Variants in PROX2 observed in about 807,000 individuals in gnomAD.
PROX2 encodes prospero homeobox protein 2.
A neutral mutation model predicts 48.9 loss-of-function variants in PROX2; 46 were observed. That is an observed-to-expected ratio of 0.94 (90% confidence interval 0.74 to 1.20). The LOEUF (loss-of-function observed/expected upper bound fraction) is 1.20. Among genes scored for constraint, PROX2 ranks in the 50% most tolerant of loss-of-function variants. The probability of loss-of-function intolerance (pLI) is 0.00; values close to 1 mark genes in which losing one functional copy is unlikely to be tolerated. For synonymous variants in PROX2, 260 were observed against 276.6 expected, an observed-to-expected ratio of 0.94 and a Z score of 0.60; for missense variants, 663 against 719.4, an observed-to-expected ratio of 0.92 and a Z score of 0.90.
intron 3 of PROX2, 112 bp downstream of exon 3, chr14:74,862,418 A>G (rs992461921): frequency 1.6e-6 from 2 of 1,236,242 alleles, no homozygotes; most frequent in Non-Finnish European, 2.2e-6. Context: ...AGTCTTGAAC[A>G]CCTGTCCTCA....
At chr14:74,866,212 C>G (rs561575451) in intron 2 of PROX2, among the ~76,000 whole-genome samples, 1 of 152,258 alleles carries the variant, frequency 6.6e-6, no homozygotes, top group South Asian at 2.1e-4. Context: ...GAGCCAAGAT[C>G]ACACCACTGC....
At chr14:74,861,301 A>G in intron 3 of PROX2, 1 of 1,046,372 alleles carries the variant, frequency 9.6e-7, no homozygotes, top group Non-Finnish European at 1.3e-6. Flanking sequence ...AGCTAGCTTA[A>G]AAAGCAACAT....
chr14:74,854,002 G>T lies in PROX2; in HGVS notation c.*1130C>A. 1 of 171,990 alleles carries T rather than the reference G, an allele frequency of 5.8e-6. No homozygotes were observed. 10.7% of individuals were successfully genotyped at this position (171,990 alleles called of 1,614,324 possible). On this transcript the variant is annotated 3_prime_UTR_variant, in exon 6 of 6. Transcript: ENST00000556489. ...ATGGAGTGGGAGAATTTCCATTTCT[G>T]TGTGATGCTGCATTTGTCCCAGTTA...
intron 3 of PROX2, among the ~76,000 whole-genome samples, chr14:74,861,672 T>C (rs75609903): frequency 0.01 from 1,586 of 152,266 alleles, 25 homozygotes; most frequent in African/African-American, 0.036. Flanking sequence ...CTCCAGGCAC[T>C]CCATTGCACC....
At chr14:74,861,253 C>T in intron 3 of PROX2, 1 of 1,350,326 alleles carries the variant, frequency 7.4e-7, no homozygotes, top group South Asian at 1.1e-5. Context: ...CTGGAGATTC[C>T]CCTCAAAGCT....
At chr14:74,871,284 A>G (rs1266051323) in intron 1 of PROX2, 47 bp from the exon 2 acceptor site, 1 of 151,838 alleles carries the variant, frequency 6.6e-6, no homozygotes, top group African/African-American at 2.4e-5. Flanking sequence ...TTTTAAAAAA[A>G]CTGCACTTTT....
At chr14:74,868,132 G>T (rs977606574) in intron 2 of PROX2, among the ~76,000 whole-genome samples, 2 of 151,662 alleles carry the variant, frequency 1.3e-5, no homozygotes, top group Non-Finnish European at 2.9e-5. Flanking sequence ...TAGCTTTATT[G>T]CATCTCTTAG....
rs1294110447 is a variant in PROX2 at position 74,876,073 on chromosome 14, A to C, written c.-488T>G. On this transcript the variant is annotated 5_prime_UTR_variant, in exon 1 of 6. Coordinates refer to ENST00000556489, the MANE Select transcript of PROX2 (RefSeq NM_001243007.2). ...CAGGCCGGGTGCCCGTGGCTGGGTG[A>C]GGGGAGGCTCTGGCCCCTTCTTAGC... 6.6e-6 allele frequency among the ~76,000 whole-genome samples: 1 copy of C among 152,186 alleles called. No homozygotes were observed. The highest frequency in any genetic ancestry group is 6.5e-5 in the Admixed American group (1 of 15,284).
At position 74,853,595 on chromosome 14, in the gene PROX2, C is replaced by G. The variant is rs1411632463; in HGVS notation, c.*1537G>C. ...TTTCATACTTTTTATGCTGATAGTT[C>G]TAGTAATAGTTTAGGGATTTTATCT... On this transcript the variant is annotated 3_prime_UTR_variant, in exon 6 of 6. Transcript: ENST00000556489. 1 of 152,076 alleles carries G rather than the reference C, an allele frequency of 6.6e-6. No individual in the cohort carries two copies. Among genetic ancestry groups the G allele is most frequent in the Non-Finnish European group, 1.5e-5 (1 of 68,010 alleles). The allele number at this position is 152,076 out of a possible 1,614,324, so 9.4% of individuals were successfully genotyped here.
intron 5 of PROX2, chr14:74,855,872 A>C (rs976047740): frequency 6.6e-6 from 1 of 151,978 alleles, no homozygotes; most frequent in Non-Finnish European, 1.5e-5. Context: ...CTGCAGGTCA[A>C]ATGACCACCC....
chr14:74,866,580 A>C (rs189786393), intron 2 of PROX2, among the ~76,000 whole-genome samples: 288 of 152,318 alleles, frequency 1.9e-3, no homozygotes, highest in Middle Eastern at 3.4e-3. Flanking sequence ...GGGAGAGGCC[A>C]AGTCACAAAG....
Position 74,863,627 on chromosome 14 carries a change from T to C in PROX2, c.208A>G (p.Thr70Ala). 6.3e-7 allele frequency: 1 copy of C among 1,597,604 alleles called. No individual in the cohort carries two copies. Among genetic ancestry groups the C allele is most frequent in the Non-Finnish European group, 8.5e-7 (1 of 1,171,902 alleles). Residue 70 changes from threonine to alanine, a missense_variant, in exon 3 of 6, where the codon ACC becomes GCC. Physicochemically the swap from Thr to Ala is moderately conservative, Grantham distance 58. Transcript: ENST00000556489. Reference protein sequence around the residue: ...HIQAKRARVETIVRGMCLSPN... With the variant: ...HIQAKRARVEAIVRGMCLSPN... ...GAGAGACACATGCCTCGGACAATGG[T>C]CTCCACTCTGGCCCTCTTTGCCTGG...
At chr14:74,858,778 TTGTGTGTGTG>T (rs3083647) in intron 3 of PROX2, 4,360 of 214,404 alleles carry the variant, frequency 0.02, 149 homozygotes, top group African/African-American at 0.071. Flanking sequence ...TTGGTGTATT[TTGTGTGTGTG>T]TGTGTGTGTG....
chr14:74,856,832 T>C lies in PROX2; in HGVS notation c.1577A>G (p.Asn526Ser), dbSNP rs919475319. The C allele has an allele frequency of 6.2e-7, 1 of 1,614,024 alleles. No homozygotes were observed. The highest frequency in any genetic ancestry group is 8.5e-7 in the Non-Finnish European group (1 of 1,179,872). ...GTCATTTCCCTTGTTGTAGTGCATA[T>C]TGAGAGCTTGAAAAAGTTCTGAATT... ...LRNSELFQALNMHYNKGNDFE... is the reference protein window; with the variant it reads ...LRNSELFQALSMHYNKGNDFE... The change falls in exon 5 of 6, where the codon AAT becomes AGT. Residue 526 changes from asparagine to serine, a missense_variant. Physicochemically the swap from Asn to Ser is conservative, Grantham distance 46. Coordinates refer to ENST00000556489, the MANE Select transcript of PROX2 (RefSeq NM_001243007.2).
rs1218331475 is a variant in PROX2, at chr14:74,863,831, C to T, written c.4G>A (p.Asp2Asn). 3.4e-6 allele frequency: 5 copies of T among 1,491,604 alleles called. No individual in the cohort carries two copies. In the South Asian group the frequency reaches 5.6e-5, roughly 17 times the overall value. 92.4% of individuals were successfully genotyped at this position (1,491,604 alleles called of 1,614,324 possible). A position where few individuals can be genotyped will look rare whatever the true frequency, so the allele number is the denominator to read the frequency against. The change falls in exon 3 of 6, where the codon GAT (aspartate) becomes AAT (asparagine). Residue 2 changes from aspartate (D) to asparagine (N), a missense_variant. Physicochemically the swap from Asp to Asn is conservative, Grantham distance 23. Transcript: ENST00000556489. MDPNSILLSPQP... is the reference protein window; with the variant it reads MNPNSILLSPQP... ...GGAGAAAGCAAGATGGAGTTTGGAT[C>T]CATCCCAGGCACTTGTTCAGGGCTT...
intron 2 of PROX2, among the ~76,000 whole-genome samples, chr14:74,870,902 C>T (rs917687913): frequency 3.3e-5 from 5 of 152,132 alleles, no homozygotes; most frequent in East Asian, 1.9e-4. Flanking sequence ...ATTAGCTGGG[C>T]GTGGTGGCAT....
At chr14:74,867,878 C>T (rs999527761) in intron 2 of PROX2, among the ~76,000 whole-genome samples, 1 of 152,128 alleles carries the variant, frequency 6.6e-6, no homozygotes, top group African/African-American at 2.4e-5. Context: ...AGGCCAGAAA[C>T]TGGAAATCCA....
intron 3 of PROX2, among the ~76,000 whole-genome samples, chr14:74,860,603 A>T (rs1235966433): frequency 6.6e-6 from 1 of 152,184 alleles, no homozygotes; most frequent in East Asian, 1.9e-4. Context: ...TATGCTGTAA[A>T]GCAGCTTGCT....
At chr14:74,857,057 G>T in intron 4 of PROX2, 62 bp from the exon 5 acceptor site, 1 of 1,414,694 alleles carries the variant, frequency 7.1e-7, no homozygotes, top group Non-Finnish European at 9.9e-7. Flanking sequence ...AATTAGAACT[G>T]TCTGCTTCCA....
Sources: gnomAD v4.1 joint callset for allele counts (sites outside exome capture counted in the v4.1 genomes callset) on GRCh38, gnomAD v4.1.1 for gene constraint, MANE v1.5 for transcripts, NCBI Gene and HGNC (gene_info 2026-07-23, HGNC 2026-07-21) for gene names.